Variants in WWOX observed in about 807,000 individuals in gnomAD.
WWOX encodes the protein WW domain containing oxidoreductase.
Under a neutral mutation model 46.2 loss-of-function variants are expected in WWOX, and 69 were observed. That is an observed-to-expected ratio of 1.49 (90% CI 1.23 to 1.82). The LOEUF is 1.82. Among genes scored for constraint, WWOX ranks in the 40% most tolerant of loss-of-function variants. WWOX has a pLI of 0.00. For missense variants in WWOX, 919 were observed against 542.6 expected, an observed-to-expected ratio of 1.69 and a Z score of -6.89; for synonymous variants, 359 against 202.6, an observed-to-expected ratio of 1.77 and a Z score of -6.56.
chr16:78,452,765 CT>C, intron 8 of WWOX, among the ~76,000 whole-genome samples: 1 of 151,428 alleles, frequency 6.6e-6, no homozygotes, highest in Non-Finnish European at 1.5e-5. Flanking sequence ...GCATGAACCA[CT>C]GTGCCTAGCC....
At chr16:78,714,914 A>T (rs972820544) in intron 8 of WWOX, among the ~76,000 whole-genome samples, 8 of 152,210 alleles carry the variant, frequency 5.3e-5, no homozygotes, top group African/African-American at 1.7e-4. Context: ...ATGAAATGAC[A>T]TGTTTGAAAT....
At chr16:78,388,622 G>A (rs1046383198) in intron 6 of WWOX, among the ~76,000 whole-genome samples, 3 of 119,534 alleles carry the variant, frequency 2.5e-5, no homozygotes, top group Admixed American at 1.2e-4. Flanking sequence ...ACTCCAGCCT[G>A]GCGACAGATT....
chr16:78,499,735 G>A (rs1428306047), intron 8 of WWOX, among the ~76,000 whole-genome samples: 1 of 152,122 alleles, frequency 6.6e-6, no homozygotes, highest in Non-Finnish European at 1.5e-5. Context: ...CCAGTATCCA[G>A]CCCAGGACTT....
At chr16:78,655,158 C>G (rs55659515) in intron 8 of WWOX, among the ~76,000 whole-genome samples, 12 of 152,176 alleles carry the variant, frequency 7.9e-5, no homozygotes, top group Non-Finnish European at 1.6e-4. Flanking sequence ...CTCGCTGTGG[C>G]CATAGGTGCC....
At chr16:79,189,000 C>G (rs192150955) in intron 8 of WWOX, among the ~76,000 whole-genome samples, 75 of 151,976 alleles carry the variant, frequency 4.9e-4, no homozygotes, top group Admixed American at 4.3e-3. Flanking sequence ...TAGTGGAAAG[C>G]TTTTGGATTC....
intron 6 of WWOX, among the ~76,000 whole-genome samples, chr16:78,397,355 C>T (rs1277517003): frequency 6.6e-6 from 1 of 152,138 alleles, no homozygotes; most frequent in African/African-American, 2.4e-5. Flanking sequence ...ACTTACATAC[C>T]ATCCCATTTT....
At chr16:78,191,025 T>C (rs1465834775) in intron 5 of WWOX, among the ~76,000 whole-genome samples, 1 of 152,176 alleles carries the variant, frequency 6.6e-6, no homozygotes, top group African/African-American at 2.4e-5. Flanking sequence ...TGGTGACTTG[T>C]GTCATTCTCC....
intron 8 of WWOX, among the ~76,000 whole-genome samples, chr16:78,616,488 G>A (rs1193961885): frequency 6.6e-6 from 1 of 151,184 alleles, no homozygotes; most frequent in African/African-American, 2.4e-5. Flanking sequence ...ATGGCCAGGA[G>A]TGGTGGCTCA....
chr16:78,538,780 T>G (rs2043820195), intron 8 of WWOX, among the ~76,000 whole-genome samples: 1 of 152,266 alleles, frequency 6.6e-6, no homozygotes, highest in East Asian at 1.9e-4. Flanking sequence ...TTCTTTCTGC[T>G]ACCTTCCTAA....
At chr16:78,380,757 G>A (rs116639646) in intron 5 of WWOX, among the ~76,000 whole-genome samples, 1,911 of 152,160 alleles carry the variant, frequency 0.013, 39 homozygotes, top group African/African-American at 0.043. Flanking sequence ...TCACAGAGGA[G>A]CAAACTAAAT....
intron 8 of WWOX, among the ~76,000 whole-genome samples, chr16:78,531,415 T>G (rs1000096428): frequency 3.3e-5 from 5 of 152,234 alleles, no homozygotes; most frequent in Non-Finnish European, 7.3e-5. Context: ...TTGAAACAAT[T>G]GGACAGTAAG....
chr16:78,143,347 C>G lies in WWOX; in HGVS notation c.410-20836C>G, dbSNP rs375213644. Among the ~76,000 whole-genome samples the G allele has an allele frequency of 1.4e-4, 22 of 152,208 alleles. No individual in the cohort carries two copies. In the East Asian group the frequency reaches 4.2e-3, roughly 29 times the overall value. On this transcript the variant is annotated intron_variant, in intron 4 of 8. Transcript: ENST00000566780. ...CTACAGATCAAGGTCATCTTCACGT[C>G]TTTAGTTCTTGTTTTGCTTCAGGTC...
At chr16:78,131,758 G>T (rs1221023235) in intron 4 of WWOX, among the ~76,000 whole-genome samples, 1 of 151,102 alleles carries the variant, frequency 6.6e-6, no homozygotes, top group South Asian at 2.1e-4. Context: ...TATTTTTTTT[G>T]TATTTTTAGT....
chr16:78,372,697 T>C (rs374802973), intron 5 of WWOX, among the ~76,000 whole-genome samples: 11 of 152,196 alleles, frequency 7.2e-5, no homozygotes, highest in African/African-American at 1.4e-4. Context: ...TTAGCAGTTA[T>C]AGGCTTTTAA....
intron 8 of WWOX, among the ~76,000 whole-genome samples, chr16:78,944,444 A>C (rs758263071): frequency 1.3e-5 from 2 of 152,158 alleles, no homozygotes; most frequent in East Asian, 1.9e-4. Flanking sequence ...ATGGGGGCAA[A>C]TATCACAATA....
At chr16:78,372,316 C>T (rs1380862530) in intron 5 of WWOX, among the ~76,000 whole-genome samples, 3 of 152,112 alleles carry the variant, frequency 2.0e-5, no homozygotes, top group African/African-American at 7.2e-5. Context: ...GATATGGTTC[C>T]TTATGGTCCT....
Position 78,787,703 on chromosome 16 carries a change from A to G in WWOX, c.1056+354951A>G, listed in dbSNP as rs115641601. Among the ~76,000 whole-genome samples, 590 of 152,272 alleles carry G rather than the reference A, an allele frequency of 3.9e-3. 3 individuals are homozygous for G. The highest frequency in any genetic ancestry group is 0.013 in the African/African-American group (557 of 41,558). On this transcript the variant is annotated intron_variant, in intron 8 of 8. Coordinates refer to ENST00000566780, the MANE Select transcript of WWOX (RefSeq NM_016373.4). ...TTTTGGGGAGTGGCATTGCTGGGTA[A>G]TATGGCAATTTTATATTTAACTTTC...
At chr16:78,586,487 T>C (rs568387857) in intron 8 of WWOX, among the ~76,000 whole-genome samples, 126 of 152,304 alleles carry the variant, frequency 8.3e-4, no homozygotes, top group African/African-American at 2.8e-3. Context: ...CACCTGCCAG[T>C]TGCTGTATTA....
At chr16:78,271,379 G>C (rs11865828) in intron 5 of WWOX, among the ~76,000 whole-genome samples, 1 of 152,008 alleles carries the variant, frequency 6.6e-6, no homozygotes, top group Non-Finnish European at 1.5e-5. Flanking sequence ...CATAACCACA[G>C]TGTGCTGAGG....
Sources: allele counts gnomAD v4.1 joint callset (sites outside exome capture counted in the v4.1 genomes callset), GRCh38; gene constraint gnomAD v4.1.1; transcripts MANE v1.5; gene names NCBI Gene and HGNC (gene_info 2026-07-23, HGNC 2026-07-21).